Variants in RPS6KC1 observed in about 807,000 individuals in gnomAD.
RPS6KC1 encodes inactive ribosomal protein S6 kinase delta-1.
Under a neutral mutation model 103.8 loss-of-function variants are expected in RPS6KC1, and 54 were observed. The observed-to-expected ratio is 0.52, with a 90% CI of 0.42 to 0.65. RPS6KC1 has a LOEUF of 0.65. Among genes scored for constraint, RPS6KC1 ranks in the 30% least tolerant of loss-of-function variants. The pLI, the probability that RPS6KC1 is intolerant of heterozygous loss-of-function variation, is 0.00. For missense variants in RPS6KC1, 1,151 were observed against 1,253.8 expected (o/e 0.92, Z 1.24); for synonymous variants, 439 against 438.7 (o/e 1.00, Z -0.01).
chr1:213,434,517 A>G, the RPS6KC1 span, among the ~76,000 whole-genome samples: 3 of 152,130 alleles, frequency 2.0e-5, no homozygotes, highest in Admixed American at 1.3e-4. Flanking sequence ...GTGCAGTGGC[A>G]TGATCTCACC....
the RPS6KC1 span, among the ~76,000 whole-genome samples, chr1:213,850,388 G>A: frequency 6.6e-6 from 1 of 152,148 alleles, no homozygotes; most frequent in Non-Finnish European, 1.5e-5. Flanking sequence ...GGATGTTCAC[G>A]TTTTCAATCC....
At chr1:213,760,560 A>G in the RPS6KC1 span, among the ~76,000 whole-genome samples, 1 of 152,322 alleles carries the variant, frequency 6.6e-6, no homozygotes, top group East Asian at 1.9e-4. Context: ...CTCTGTTAAA[A>G]AAACATACCA....
chr1:213,440,623 A>G, the RPS6KC1 span, among the ~76,000 whole-genome samples: 5 of 146,370 alleles, frequency 3.4e-5, no homozygotes, highest in African/African-American at 1.0e-4. Context: ...AAAGAACTCT[A>G]TTATCCCATA....
chr1:213,514,769 G>A, the RPS6KC1 span, among the ~76,000 whole-genome samples: 2 of 152,128 alleles, frequency 1.3e-5, no homozygotes, highest in Admixed American at 1.3e-4. Context: ...TGGGTCAAAT[G>A]GTATTTGTAA....
the RPS6KC1 span, among the ~76,000 whole-genome samples, chr1:213,572,941 C>G: frequency 6.6e-6 from 1 of 152,090 alleles, no homozygotes. Flanking sequence ...CTCTTTCTCT[C>G]TTTCTTTTTT....
At chr1:213,485,349 A>T in the RPS6KC1 span, among the ~76,000 whole-genome samples, 1 of 152,022 alleles carries the variant, frequency 6.6e-6, no homozygotes, top group Non-Finnish European at 1.5e-5. Flanking sequence ...GGGAACAGTA[A>T]TTCTGTGGCA....
At chr1:213,258,813 C>G (rs2094712380) in intron 12 of RPS6KC1, among the ~76,000 whole-genome samples, 1 of 152,158 alleles carries the variant, frequency 6.6e-6, no homozygotes, top group African/African-American at 2.4e-5. Flanking sequence ...TTTATAAAGT[C>G]TAAGAGTACA....
At chr1:213,813,866 A>G in the RPS6KC1 span, among the ~76,000 whole-genome samples, 1 of 152,282 alleles carries the variant, frequency 6.6e-6, no homozygotes, top group Admixed American at 6.5e-5. Context: ...TACTCTTCTC[A>G]TAGCGATTAG....
At chr1:213,699,867 A>G in the RPS6KC1 span, among the ~76,000 whole-genome samples, 123,803 of 152,134 alleles carry the variant, frequency 0.81, 50,439 homozygotes, top group African/African-American at 0.85. Context: ...GTCTATTCAA[A>G]TCTTTTGCCC....
chr1:213,332,251 A>G, the RPS6KC1 span, among the ~76,000 whole-genome samples: 14 of 152,180 alleles, frequency 9.2e-5, no homozygotes, highest in Non-Finnish European at 1.5e-4. Context: ...CACACTGTAC[A>G]TCGTTGGCAC....
the RPS6KC1 span, among the ~76,000 whole-genome samples, chr1:213,619,617 G>A: frequency 6.6e-6 from 1 of 152,228 alleles, no homozygotes; most frequent in African/African-American, 2.4e-5. Flanking sequence ...GGTCTCAGGA[G>A]GAGGTAATAC....
At chr1:213,088,632 G>T (rs1036653913) in intron 3 of RPS6KC1, among the ~76,000 whole-genome samples, 2 of 151,958 alleles carry the variant, frequency 1.3e-5, no homozygotes, top group Non-Finnish European at 2.9e-5. Flanking sequence ...TGCTGTGCTG[G>T]TATTACAGGC....
the RPS6KC1 span, among the ~76,000 whole-genome samples, chr1:213,542,339 C>T: frequency 2.0e-5 from 3 of 152,270 alleles, no homozygotes; most frequent in East Asian, 3.9e-4. Context: ...TCTTGTTGGG[C>T]ATACATGTCC....
At chr1:213,390,713 A>G in the RPS6KC1 span, among the ~76,000 whole-genome samples, 1 of 152,200 alleles carries the variant, frequency 6.6e-6, no homozygotes, top group Non-Finnish European at 1.5e-5. Flanking sequence ...TCTCGACACA[A>G]ACAAGCACTT....
the RPS6KC1 span, among the ~76,000 whole-genome samples, chr1:213,291,504 G>A: frequency 1.8e-4 from 27 of 152,234 alleles, no homozygotes; most frequent in African/African-American, 6.0e-4. Context: ...ACTGCACAGC[G>A]TTCCTTGCGT....
At chr1:213,701,457 G>T in the RPS6KC1 span, among the ~76,000 whole-genome samples, 83 of 152,034 alleles carry the variant, frequency 5.5e-4, no homozygotes, top group African/African-American at 2.0e-3. Flanking sequence ...CAGGTTGTTA[G>T]TATTTTGTTG....
the RPS6KC1 span, among the ~76,000 whole-genome samples, chr1:213,357,429 C>T: frequency 3.4e-3 from 513 of 152,288 alleles, 2 homozygotes; most frequent in African/African-American, 0.012. Context: ...GAATGACTGG[C>T]AAATTGGAGC....
chr1:213,218,977 A>G (rs2093747194), intron 8 of RPS6KC1, among the ~76,000 whole-genome samples: 1 of 152,258 alleles, frequency 6.6e-6, no homozygotes, highest in East Asian at 1.9e-4. Flanking sequence ...CTAAAACACC[A>G]AAAGCAATGG....
the RPS6KC1 span, among the ~76,000 whole-genome samples, chr1:213,813,027 C>A: frequency 2.0e-5 from 3 of 151,990 alleles, no homozygotes; most frequent in Non-Finnish European, 2.9e-5. Context: ...CTGAGAAGGG[C>A]GGATCACGAG....
Sources: allele counts gnomAD v4.1 joint callset (sites outside exome capture counted in the v4.1 genomes callset), GRCh38; gene constraint gnomAD v4.1.1; transcripts MANE v1.5; gene names NCBI Gene and HGNC (gene_info 2026-07-23, HGNC 2026-07-21).